Variants in GLIS3 observed in about 807,000 individuals in gnomAD.
GLIS3 encodes the protein zinc finger protein GLIS3.
Under a neutral mutation model 78.6 loss-of-function variants are expected in GLIS3, and 53 were observed. The observed-to-expected ratio is 0.67, with a 90% CI of 0.54 to 0.85. The LOEUF (loss-of-function observed/expected upper bound fraction) is 0.85. Among genes scored for constraint, GLIS3 ranks in the 40% least tolerant of loss-of-function variants. The pLI is 0.00. For missense variants in GLIS3, 1,703 were observed against 1,231.1 expected (o/e 1.38, Z -5.74); for synonymous variants, 684 against 509.9 (o/e 1.34, Z -4.60).
intron 4 of GLIS3, among the ~76,000 whole-genome samples, chr9:4,068,318 CAGAG>C (rs74344886): frequency 0.22 from 33,404 of 151,824 alleles, 4,566 homozygotes; most frequent in South Asian, 0.38. Flanking sequence ...TCTTATCTTA[CAGAG>C]AATCAGTAGT....
Position 3,873,648 on chromosome 9 carries a change from C to A in GLIS3, c.2297+5779G>T, listed in dbSNP as rs73640779. Among the ~76,000 whole-genome samples, 7 of 151,054 alleles carry A rather than the reference C, an allele frequency of 4.6e-5. No homozygotes were observed. In the East Asian group the frequency reaches 1.4e-3, roughly 29 times the overall value. On this transcript the variant is annotated intron_variant, in intron 8 of 10. Coordinates refer to ENST00000381971, the MANE Select transcript of GLIS3 (RefSeq NM_001042413.2). ...ACATCATATGCCCCATAAATTTGCA[C>A]AAAAATAAAATAAAGATAAAAAATA...
intron 2 of GLIS3, among the ~76,000 whole-genome samples, chr9:4,324,250 T>C (rs1587386248): frequency 2.6e-5 from 4 of 152,254 alleles, no homozygotes; most frequent in African/African-American, 9.6e-5. Context: ...GTTTTTATTT[T>C]AAAGATCACT....
In GLIS3 at chr9:3,829,375, G is replaced by A. The variant is rs1817911340; in HGVS notation, c.2591C>T (p.Thr864Ile). Residue 864 changes from threonine (T) to isoleucine (I), a missense_variant, in exon 10 of 11, where the codon ACA becomes ATA. By Grantham distance (89) the Thr-to-Ile change is moderately conservative. Transcript: ENST00000381971. ...ATCAAAACTGGCCTGGCCCATGGATGTAGGGACTAGGCAGTCCTCAAACGA... is the reference window on the plus strand; with the variant it reads ...ATCAAAACTGGCCTGGCCCATGGATATAGGGACTAGGCAGTCCTCAAACGA... ...VPSFEDCLVPTSMGQASFDVF... is the reference protein window; with the variant it reads ...VPSFEDCLVPISMGQASFDVF... The A allele has an allele frequency of 6.2e-7, 1 of 1,613,994 alleles. No individual in the cohort carries two copies. The highest frequency in any genetic ancestry group is 1.1e-5 in the South Asian group (1 of 91,080).
intron 1 of GLIS3, among the ~76,000 whole-genome samples, chr9:4,292,120 A>C (rs995435116): frequency 6.6e-6 from 1 of 152,172 alleles, no homozygotes; most frequent in Non-Finnish European, 1.5e-5. Flanking sequence ...TTGGGCCCAC[A>C]GGCTGTAAGT....
At chr9:4,025,323 G>A (rs1025842959) in intron 4 of GLIS3, among the ~76,000 whole-genome samples, 7 of 152,092 alleles carry the variant, frequency 4.6e-5, no homozygotes, top group Non-Finnish European at 8.8e-5. Context: ...ATGGATGGAC[G>A]GAAAAATAAA....
At chr9:4,026,536 AT>A (rs1823363490) in intron 4 of GLIS3, among the ~76,000 whole-genome samples, 1 of 152,200 alleles carries the variant, frequency 6.6e-6, no homozygotes, top group African/African-American at 2.4e-5. Flanking sequence ...AAATCTATCT[AT>A]CTATCTATCT....
Position 4,125,813 on chromosome 9 carries a change from T to C in GLIS3, c.517A>G (p.Thr173Ala), listed in dbSNP as rs745673945. The change falls in exon 3 of 11, where the codon ACA (threonine) becomes GCA (alanine). Residue 173 changes from threonine to alanine, a missense_variant. Coordinates refer to ENST00000381971, the MANE Select transcript of GLIS3 (RefSeq NM_001042413.2). ...LISPPASQVS[T>A]ACNQISPSLQ... is the part of the protein sequence containing the mutation. ...CTAGGACTGATCTGGTTGCATGCTG[T>C]AGAGACCTGGCTTGCTGGAGGTGAA... 2 of 1,614,146 alleles carry C rather than the reference T, an allele frequency of 1.2e-6. No homozygotes were observed. Among genetic ancestry groups the C allele is most frequent in the Non-Finnish European group, 1.7e-6 (2 of 1,179,994 alleles).
rs1379179454 is a variant in GLIS3, at chr9:3,977,242, C to G, written c.1711-40053G>C. ...CCTTGCTAGGCCACCCCTCCTCCAC[C>G]CAGATATTAGATCCACATTTTATAC... On this transcript the variant is annotated intron_variant, in intron 4 of 10. Coordinates refer to ENST00000381971, the MANE Select transcript of GLIS3 (RefSeq NM_001042413.2). The surrounding 1 kb of genome is among the most constrained non-coding windows in gnomAD (Gnocchi z 4.1). Among the ~76,000 whole-genome samples, 3 of 152,088 alleles carry G rather than the reference C, an allele frequency of 2.0e-5. No homozygotes were observed. Among genetic ancestry groups the G allele is most frequent in the Admixed American group, 6.6e-5 (1 of 15,246 alleles).
chr9:4,397,090 A>G, the GLIS3 span, among the ~76,000 whole-genome samples: 4 of 130,010 alleles, frequency 3.1e-5, no homozygotes, highest in African/African-American at 1.3e-4. Context: ...CAGTGGCGCG[A>G]TCTTGGCTCA....
At chr9:4,287,618 G>C (rs1322535602) in intron 1 of GLIS3, among the ~76,000 whole-genome samples, 1 of 152,218 alleles carries the variant, frequency 6.6e-6, no homozygotes, top group Non-Finnish European at 1.5e-5. Context: ...TAAGGACTGA[G>C]TACAAAGCAG....
chr9:3,949,013 C>T (rs1045835455), intron 4 of GLIS3, among the ~76,000 whole-genome samples: 5 of 152,294 alleles, frequency 3.3e-5, no homozygotes, highest in East Asian at 1.9e-4. Context: ...GCCAAAGTCA[C>T]ACACAACTAG....
At chr9:4,136,553 A>C (rs1213015624) in intron 2 of GLIS3, among the ~76,000 whole-genome samples, 1 of 152,198 alleles carries the variant, frequency 6.6e-6, no homozygotes, top group East Asian at 1.9e-4. Flanking sequence ...TTTAAAGTAC[A>C]TTTGTTTAGG....
intron 2 of GLIS3, among the ~76,000 whole-genome samples, chr9:4,268,798 G>T (rs60730678): frequency 0.03 from 4,583 of 152,122 alleles, 231 homozygotes; most frequent in African/African-American, 0.1. Flanking sequence ...AGTACCAGCT[G>T]GGCAGCATCT....
At chr9:3,968,916 G>C (rs565878016) in intron 4 of GLIS3, among the ~76,000 whole-genome samples, 52 of 152,228 alleles carry the variant, frequency 3.4e-4, no homozygotes, top group Non-Finnish European at 6.8e-4. Context: ...CTATAAGTGA[G>C]TGAGCAAATT....
At chr9:4,382,922 G>A in the GLIS3 span, among the ~76,000 whole-genome samples, 3 of 152,160 alleles carry the variant, frequency 2.0e-5, no homozygotes, top group African/African-American at 7.2e-5. Context: ...TCTGGCCCAG[G>A]GAAGGGCATC....
intron 2 of GLIS3, among the ~76,000 whole-genome samples, chr9:4,242,414 G>A (rs1319878869): frequency 1.3e-5 from 2 of 152,070 alleles, no homozygotes; most frequent in Admixed American, 6.6e-5. Flanking sequence ...TTTATTCAGG[G>A]CTCTATAGGA....
At chr9:4,451,198 C>G in the GLIS3 span, among the ~76,000 whole-genome samples, 1 of 152,120 alleles carries the variant, frequency 6.6e-6, no homozygotes, top group African/African-American at 2.4e-5. Context: ...GGGTTGCAAT[C>G]CTAGTCTCTG....
intron 4 of GLIS3, among the ~76,000 whole-genome samples, chr9:4,029,504 T>C (rs2130247606): frequency 6.6e-6 from 1 of 152,326 alleles, no homozygotes; most frequent in South Asian, 2.1e-4. Flanking sequence ...AATTATTGAC[T>C]ATGGTGACAC....
intron 1 of GLIS3, among the ~76,000 whole-genome samples, chr9:4,347,589 G>A (rs902136785): frequency 1.3e-5 from 2 of 152,152 alleles, no homozygotes; most frequent in African/African-American, 4.8e-5. Flanking sequence ...TTTTATATGT[G>A]TGCTGAAGTT....
Sources: allele counts gnomAD v4.1 joint callset (sites outside exome capture counted in the v4.1 genomes callset), GRCh38; gene constraint gnomAD v4.1.1; non-coding constraint Gnocchi (gnomAD v3.1); transcripts MANE v1.5; gene names NCBI Gene and HGNC (gene_info 2026-07-23, HGNC 2026-07-21).